Variants in EXOC4 observed in about 807,000 individuals in gnomAD.
The protein encoded by EXOC4 is exocyst complex component 4.
Under a neutral mutation model 107.2 loss-of-function variants are expected in EXOC4, and 71 were observed. That is an observed-to-expected ratio of 0.66 (90% CI 0.55 to 0.81). The LOEUF (loss-of-function observed/expected upper bound fraction) is 0.81, where lower values mean the gene tolerates loss of function less well. Ranked by LOEUF, EXOC4 falls within the 30% of genes least tolerant of loss-of-function variation. EXOC4 has a pLI of 0.00. For missense variants in EXOC4, 1,108 were observed against 1,189.6 expected, an observed-to-expected ratio of 0.93 and a Z score of 1.01; for synonymous variants, 456 against 441.2, an observed-to-expected ratio of 1.03 and a Z score of -0.42.
chr7:133,438,717 A>G (rs1798033454), intron 7 of EXOC4, among the ~76,000 whole-genome samples: 1 of 152,228 alleles, frequency 6.6e-6, no homozygotes, highest in African/African-American at 2.4e-5. Context: ...TCTTAAACGC[A>G]GCAGCCAGAT....
intron 10 of EXOC4, among the ~76,000 whole-genome samples, chr7:133,794,139 G>A (rs1344223881): frequency 6.6e-6 from 1 of 152,186 alleles, no homozygotes; most frequent in Non-Finnish European, 1.5e-5. Context: ...TTGCTACTAA[G>A]TGGTTTGGGC....
chr7:133,276,339 A>G (rs188960411), intron 2 of EXOC4, among the ~76,000 whole-genome samples: 114 of 152,256 alleles, frequency 7.5e-4, no homozygotes, highest in Non-Finnish European at 1.2e-4. Flanking sequence ...TTTTAGCTGT[A>G]TTTTTGAGAT....
chr7:133,471,380 C>A (rs1341418473), intron 7 of EXOC4, among the ~76,000 whole-genome samples: 11 of 150,556 alleles, frequency 7.3e-5, no homozygotes, highest in African/African-American at 2.5e-4. Context: ...CCATTGCACT[C>A]CAGCCTGGGT....
intron 2 of EXOC4, among the ~76,000 whole-genome samples, chr7:133,279,691 G>A (rs1349652396): frequency 6.6e-6 from 1 of 152,002 alleles, no homozygotes; most frequent in Non-Finnish European, 1.5e-5. Flanking sequence ...GCTAATATTT[G>A]ATTTTTTTGC....
intron 10 of EXOC4, among the ~76,000 whole-genome samples, chr7:133,686,993 TTGTGTGTGTGTGTGTGTGTGTGTG>T (rs1027053373): frequency 1.3e-4 from 1 of 7,572 alleles, no homozygotes; most frequent in African/African-American, 2.4e-4. Flanking sequence ...ATAAAGAATT[TTGTGTGTGTGTGTGTGTGTGTGTG>T]TGTGTGTGTG....
chr7:133,900,566 C>A (rs1327765556), intron 12 of EXOC4, among the ~76,000 whole-genome samples: 1 of 152,032 alleles, frequency 6.6e-6, no homozygotes, highest in Non-Finnish European at 1.5e-5. Flanking sequence ...GCATGGAGTG[C>A]CACGTGCACA....
At chr7:134,018,706 T>G (rs1794963684) in intron 17 of EXOC4, among the ~76,000 whole-genome samples, 1 of 152,188 alleles carries the variant, frequency 6.6e-6, no homozygotes, top group African/African-American at 2.4e-5. Context: ...TTTAATATTT[T>G]ATTCATCTAA....
intron 17 of EXOC4, among the ~76,000 whole-genome samples, chr7:134,028,769 G>A (rs79971804): frequency 6.6e-6 from 1 of 152,266 alleles, no homozygotes; most frequent in African/African-American, 2.4e-5. Flanking sequence ...AAAGTGTGGA[G>A]TGATAAGAGA....
At chr7:134,078,646 G>A in the EXOC4 span, among the ~76,000 whole-genome samples, 3,697 of 152,250 alleles carry the variant, frequency 0.024, 134 homozygotes, top group African/African-American at 0.078. Flanking sequence ...TGATGTCCCA[G>A]TGGATGTAAA....
rs549285735 is a variant in EXOC4, at chr7:133,781,639, C to T, written c.1515-35686C>T. Among the ~76,000 whole-genome samples the T allele has an allele frequency of 9.8e-5, 15 of 152,334 alleles. No individual in the cohort carries two copies. The South Asian group carries it at 2.1e-3, about 21-fold the overall frequency. ...GCAGTCCTCGAAGCCCAGCTGCCCA[C>T]GTACTTAAAGCTCGTGGGAGAGATT... On this transcript the variant is annotated intron_variant, in intron 10 of 17. Transcript: ENST00000253861.
chr7:133,982,652 C>T (rs1186332737), intron 14 of EXOC4, among the ~76,000 whole-genome samples: 1 of 152,192 alleles, frequency 6.6e-6, no homozygotes, highest in African/African-American at 2.4e-5. Flanking sequence ...AATTGTGTGT[C>T]AAACGCTGTT....
At chr7:133,971,447 ATTC>A (rs902067656) in intron 14 of EXOC4, among the ~76,000 whole-genome samples, 25 of 147,794 alleles carry the variant, frequency 1.7e-4, no homozygotes, top group Non-Finnish European at 3.0e-4. Flanking sequence ...TGTATTGTGT[ATTC>A]TTATGAGAAT....
chr7:133,273,024 C>T (rs1793908962), intron 1 of EXOC4, among the ~76,000 whole-genome samples: 1 of 152,116 alleles, frequency 6.6e-6, no homozygotes, highest in Non-Finnish European at 1.5e-5. Flanking sequence ...GCAAACCGAT[C>T]TAGTGTAGCT....
At chr7:133,589,614 A>G (rs1050391881) in intron 9 of EXOC4, among the ~76,000 whole-genome samples, 2 of 152,212 alleles carry the variant, frequency 1.3e-5, no homozygotes, top group African/African-American at 4.8e-5. Flanking sequence ...AGTTTGCTCA[A>G]CTTTAATTTT....
chr7:133,919,531 A>ATCCC (rs1376535085), intron 13 of EXOC4, among the ~76,000 whole-genome samples: 3 of 151,998 alleles, frequency 2.0e-5, no homozygotes, highest in East Asian at 3.9e-4. Context: ...CCTCCTATTC[A>ATCCC]TCCCTCCCTC....
At chr7:133,593,435 C>G (rs1001520235) in intron 9 of EXOC4, among the ~76,000 whole-genome samples, 3 of 152,158 alleles carry the variant, frequency 2.0e-5, no homozygotes, top group Non-Finnish European at 2.9e-5. Context: ...AATCTTTAAG[C>G]CACAGGCCAT....
At chr7:133,532,226 T>C (rs1800194320) in intron 9 of EXOC4, among the ~76,000 whole-genome samples, 1 of 152,082 alleles carries the variant, frequency 6.6e-6, no homozygotes, top group Non-Finnish European at 1.5e-5. Context: ...CCAAAAATAT[T>C]CTAAACTTTT....
At chr7:133,846,246 T>A (rs529070686) in intron 11 of EXOC4, among the ~76,000 whole-genome samples, 2 of 152,338 alleles carry the variant, frequency 1.3e-5, no homozygotes, top group African/African-American at 4.8e-5. Context: ...GACTTTCATA[T>A]AATCTTTTAA....
intron 2 of EXOC4, among the ~76,000 whole-genome samples, chr7:133,275,910 ATCC>A: frequency 6.6e-6 from 1 of 152,036 alleles, no homozygotes; most frequent in South Asian, 2.1e-4. Context: ...GGCTCAAGCA[ATCC>A]TCCTGCCTGA....
Sources: gnomAD v4.1 joint callset for allele counts (sites outside exome capture counted in the v4.1 genomes callset) on GRCh38, gnomAD v4.1.1 for gene constraint, MANE v1.5 for transcripts, NCBI Gene and HGNC (gene_info 2026-07-23, HGNC 2026-07-21) for gene names.